Variants in CCDC7 observed in about 807,000 individuals in gnomAD.
CCDC7 encodes the protein coiled-coil domain-containing protein 7.
Under a neutral mutation model 196.9 loss-of-function variants are expected in CCDC7, and 183 were observed. That is an observed-to-expected ratio of 0.93 (90% CI 0.82 to 1.05). The LOEUF (loss-of-function observed/expected upper bound fraction) is 1.05, where lower values mean the gene tolerates loss of function less well. Ranked by LOEUF, CCDC7 falls within the 50% of genes least tolerant of loss-of-function variation. The probability of loss-of-function intolerance (pLI) is 0.00; values close to 1 mark genes in which losing one functional copy is unlikely to be tolerated. For missense variants in CCDC7, 1,540 were observed against 1,482.2 expected (o/e 1.04, Z -0.64); for synonymous variants, 525 against 484.6 (o/e 1.08, Z -1.10).
At chr10:32,588,604 T>C (rs2059508416) in intron 18 of CCDC7, among the ~76,000 whole-genome samples, 1 of 152,224 alleles carries the variant, frequency 6.6e-6, no homozygotes, top group Admixed American at 6.5e-5. Flanking sequence ...ATAAGGATAC[T>C]GCTCTGTATG....
chr10:32,569,963 T>G (rs1322033379), intron 15 of CCDC7, among the ~76,000 whole-genome samples: 1 of 152,096 alleles, frequency 6.6e-6, no homozygotes, highest in East Asian at 1.9e-4. Context: ...TGTCCTAGAG[T>G]TTCTTTTTAT....
At chr10:32,780,385 T>C (rs1411890464) in intron 29 of CCDC7, among the ~76,000 whole-genome samples, 2 of 152,224 alleles carry the variant, frequency 1.3e-5, no homozygotes, top group African/African-American at 4.8e-5. Context: ...TTTGTAACTC[T>C]GCTCTTTGTA....
At chr10:32,765,197 TC>T (rs1204131925) in intron 28 of CCDC7, among the ~76,000 whole-genome samples, 1 of 152,008 alleles carries the variant, frequency 6.6e-6, no homozygotes, top group African/African-American at 2.4e-5. Context: ...TTAATTTTTC[TC>T]CCAGCCTTCC....
At chr10:32,636,384 C>T (rs548157949) in intron 20 of CCDC7, among the ~76,000 whole-genome samples, 74 of 152,230 alleles carry the variant, frequency 4.9e-4, no homozygotes, top group Middle Eastern at 3.4e-3. Flanking sequence ...CCCCCTACCC[C>T]CACACCACAA....
chr10:32,554,079 G>A (rs1485254713), intron 13 of CCDC7, among the ~76,000 whole-genome samples: 1 of 152,172 alleles, frequency 6.6e-6, no homozygotes, highest in African/African-American at 2.4e-5. Flanking sequence ...GCTGAGTCAT[G>A]CAGGTTGTCA....
chr10:32,630,361 T>C (rs1360079418), intron 18 of CCDC7, among the ~76,000 whole-genome samples: 2 of 152,114 alleles, frequency 1.3e-5, no homozygotes, highest in East Asian at 1.9e-4. Flanking sequence ...TATATGTATG[T>C]GTATATATAT....
At chr10:32,471,906 T>G (rs1244399795) in intron 6 of CCDC7, among the ~76,000 whole-genome samples, 2 of 152,166 alleles carry the variant, frequency 1.3e-5, no homozygotes, top group Non-Finnish European at 2.9e-5. Context: ...TTAGACCATA[T>G]TCATACTTGA....
chr10:32,645,503 C>CTTTTTTT (rs35170235), intron 20 of CCDC7, among the ~76,000 whole-genome samples: 3 of 65,142 alleles, frequency 4.6e-5, no homozygotes, highest in East Asian at 4.4e-4. Context: ...GAGTCCATGT[C>CTTTTTTT]TTTTTTTTTT....
chr10:32,568,742 G>A (rs967006619), intron 15 of CCDC7, among the ~76,000 whole-genome samples: 1 of 152,014 alleles, frequency 6.6e-6, no homozygotes, highest in African/African-American at 2.4e-5. Flanking sequence ...CTGTGTATAC[G>A]GGCTAGTCAT....
intron 24 of CCDC7, among the ~76,000 whole-genome samples, chr10:32,705,556 G>A (rs777235958): frequency 1.3e-5 from 2 of 152,120 alleles, no homozygotes; most frequent in Non-Finnish European, 2.9e-5. Context: ...CCATCAGTGT[G>A]CTATATTCAG....
intron 28 of CCDC7, among the ~76,000 whole-genome samples, chr10:32,770,125 CTCTTA>C (rs1172744916): frequency 2.0e-5 from 3 of 152,060 alleles, no homozygotes; most frequent in Non-Finnish European, 4.4e-5. Flanking sequence ...TTTAGTTCTG[CTCTTA>C]TCTTTGTTAT....
intron 5 of CCDC7, among the ~76,000 whole-genome samples, chr10:32,470,096 G>T (rs746707780): frequency 8.5e-5 from 13 of 152,072 alleles, no homozygotes; most frequent in Non-Finnish European, 1.6e-4. Flanking sequence ...CTATACCCAA[G>T]CTCAGACTTC....
chr10:32,529,027 T>A (rs2049203488), intron 11 of CCDC7, among the ~76,000 whole-genome samples: 1 of 152,042 alleles, frequency 6.6e-6, no homozygotes, highest in Non-Finnish European at 1.5e-5. Flanking sequence ...TATTTTATGT[T>A]ATTTTTTATT....
intron 8 of CCDC7, among the ~76,000 whole-genome samples, chr10:32,483,213 T>A (rs903033056): frequency 6.6e-6 from 1 of 152,234 alleles, no homozygotes; most frequent in Admixed American, 6.5e-5. Context: ...AGATGGTATG[T>A]CATTGTGGTT....
intron 8 of CCDC7, among the ~76,000 whole-genome samples, chr10:32,487,673 T>C (rs1263686574): frequency 6.6e-6 from 1 of 152,230 alleles, no homozygotes; most frequent in Non-Finnish European, 1.5e-5. Flanking sequence ...GGTGTGGATG[T>C]CCTTTCTGTT....
intron 11 of CCDC7, among the ~76,000 whole-genome samples, chr10:32,530,210 T>G (rs2049411394): frequency 6.6e-6 from 1 of 152,178 alleles, no homozygotes; most frequent in African/African-American, 2.4e-5. Flanking sequence ...GATGTGATGC[T>G]TCCAGATTTC....
exon 1 of CCDC7, chr10:32,451,880 G>C: frequency 6.2e-7 from 1 of 1,612,314 alleles, no homozygotes; most frequent in Non-Finnish European, 8.5e-7. Context: ...CTTACTACCA[G>C]AAGATGAAAT....
At chr10:32,648,835 C>G (rs1297985987) in intron 20 of CCDC7, among the ~76,000 whole-genome samples, 4 of 152,036 alleles carry the variant, frequency 2.6e-5, no homozygotes, top group Non-Finnish European at 2.9e-5. Flanking sequence ...TGTTAATGTC[C>G]TTTGTCAACT....
intron 28 of CCDC7, among the ~76,000 whole-genome samples, chr10:32,759,574 A>C (rs1240007856): frequency 1.3e-5 from 2 of 152,184 alleles, no homozygotes; most frequent in Non-Finnish European, 1.5e-5. Context: ...CCTTCCTTAC[A>C]CCTTATACAA....
Sources: gnomAD v4.1 joint callset for allele counts (sites outside exome capture counted in the v4.1 genomes callset) on GRCh38, gnomAD v4.1.1 for gene constraint, MANE v1.5 for transcripts, NCBI Gene and HGNC (gene_info 2026-07-23, HGNC 2026-07-21) for gene names.